The following CLINT1 variants were observed in gnomAD, a reference collection of about 807,000 sequenced individuals.
The protein encoded by CLINT1 is clathrin interactor 1.
A neutral mutation model predicts 70.4 loss-of-function variants in CLINT1; 15 were observed. That is an observed-to-expected ratio of 0.21 (90% CI 0.14 to 0.33). The LOEUF (loss-of-function observed/expected upper bound fraction) is 0.33, where lower values mean the gene tolerates loss of function less well. CLINT1 is among the 10% of genes least tolerant of loss of function. The pLI, the probability that CLINT1 is intolerant of heterozygous loss-of-function variation, is 1.00. For missense variants in CLINT1, 615 were observed against 778.1 expected, an observed-to-expected ratio of 0.79 and a Z score of 2.49; for synonymous variants, 227 against 254.7, an observed-to-expected ratio of 0.89 and a Z score of 1.04.
intron 9 of CLINT1, among the ~76,000 whole-genome samples, chr5:157,793,190 G>T (rs748806631): frequency 1.3e-5 from 2 of 151,270 alleles, no homozygotes; most frequent in Non-Finnish European, 2.9e-5. Context: ...TTACCTCAGG[G>T]TTTTACTAAT....
At chr5:157,825,528 C>G (rs1444532644) in intron 1 of CLINT1, among the ~76,000 whole-genome samples, 1 of 152,106 alleles carries the variant, frequency 6.6e-6, no homozygotes, top group African/African-American at 2.4e-5. Context: ...ACTCAAAGAT[C>G]AAGTTAGTTA....
At position 157,805,927 on chromosome 5, in the gene CLINT1, G is replaced by A. The variant is rs544549394; in HGVS notation, c.881C>T (p.Thr294Ile). ...CTGATCTGGACTTGCTTTGTCCCCT[G>A]TGTAATGTGCTGCTGCTCCAAGATC... ...TIDLGAAAHY[T>I]GDKASPDQNA... The change falls in exon 7 of 12, where the codon ACA (threonine) becomes ATA (isoleucine). Residue 294 changes from threonine (T) to isoleucine (I), a missense_variant. This residue lies in a region of CLINT1 where 241 missense variants were observed against 368.6 expected (regional missense o/e 0.65). Coordinates refer to ENST00000411809, the MANE Select transcript of CLINT1 (RefSeq NM_014666.4). 1.2e-6 allele frequency: 2 copies of A among 1,613,960 alleles called. No individual in the cohort carries two copies. The highest frequency in any genetic ancestry group is 4.5e-5 in the East Asian group (2 of 44,876).
chr5:157,793,081 T>C (rs1683834685), intron 9 of CLINT1, among the ~76,000 whole-genome samples: 3 of 152,192 alleles, frequency 2.0e-5, no homozygotes, highest in Non-Finnish European at 4.4e-5. Flanking sequence ...CATTCTTCTA[T>C]TACCATATTA....
At chr5:157,801,840 T>G (rs1762231836) in intron 8 of CLINT1, among the ~76,000 whole-genome samples, 1 of 152,062 alleles carries the variant, frequency 6.6e-6, no homozygotes, top group African/African-American at 2.4e-5. Flanking sequence ...TTAATTATAC[T>G]AAACTATCAG....
chr5:157,818,722 T>C (rs1006783381), intron 1 of CLINT1, among the ~76,000 whole-genome samples: 4 of 152,132 alleles, frequency 2.6e-5, no homozygotes, highest in African/African-American at 9.7e-5. Context: ...AATATTTTTA[T>C]ATGAAAGAAT....
intron 1 of CLINT1, among the ~76,000 whole-genome samples, chr5:157,856,370 T>C (rs1327520415): frequency 6.6e-6 from 1 of 152,230 alleles, no homozygotes; most frequent in African/African-American, 2.4e-5. Context: ...CCTCAAATCA[T>C]ACATACAGCT....
chr5:157,849,888 T>C (rs1392570886), intron 1 of CLINT1, among the ~76,000 whole-genome samples: 1 of 152,246 alleles, frequency 6.6e-6, no homozygotes, highest in Non-Finnish European at 1.5e-5. Flanking sequence ...CTATGTGTCA[T>C]AATTGTTCTA....
At chr5:157,846,008 G>C (rs1753364570) in intron 1 of CLINT1, among the ~76,000 whole-genome samples, 1 of 152,160 alleles carries the variant, frequency 6.6e-6, no homozygotes, top group South Asian at 2.1e-4. Flanking sequence ...TGTCCTGACT[G>C]CTCCACTGAC....
Position 157,797,738 on chromosome 5 carries a change from T to C in CLINT1, c.1013-2766A>G, listed in dbSNP as rs186090358. On this transcript the variant is annotated intron_variant, in intron 8 of 11. Transcript: ENST00000411809. ...GTCTAGGCTACAAAGAAAATACATG[T>C]TGAGGATAAAAGCTGTAGATCACAA... Among the ~76,000 whole-genome samples, 73 of 152,336 alleles carry C rather than the reference T, an allele frequency of 4.8e-4. 1 individual carries two copies. Among genetic ancestry groups the C allele is most frequent in the African/African-American group, 1.7e-3 (71 of 41,574 alleles).
chr5:157,822,148 C>T (rs1762896951), intron 1 of CLINT1, among the ~76,000 whole-genome samples: 1 of 151,834 alleles, frequency 6.6e-6, no homozygotes, highest in Non-Finnish European at 1.5e-5. Flanking sequence ...TAATTTGAAT[C>T]ATGAGGGCGG....
rs746914389 is a variant in CLINT1 at position 157,805,905 on chromosome 5, A to T, written c.903T>A (p.Asp301Glu). ...AHYTGDKASP[D>E]QNASTHTPQS... Reference sequence around the variant, plus strand: ...GAGGTGTGTGGGTTGAAGCATTCTGATCTGGACTTGCTTTGTCCCCTGTGT... The same window carrying T: ...GAGGTGTGTGGGTTGAAGCATTCTGTTCTGGACTTGCTTTGTCCCCTGTGT... The change falls in exon 7 of 12, where the codon GAT becomes GAA. Residue 301 changes from aspartate to glutamate, a missense_variant. Coordinates refer to ENST00000411809, the MANE Select transcript of CLINT1 (RefSeq NM_014666.4). The T allele has an allele frequency of 1.2e-6, 2 of 1,613,912 alleles. No individual in the cohort carries two copies. Among genetic ancestry groups the T allele is most frequent in the Non-Finnish European group, 1.7e-6 (2 of 1,179,878 alleles).
chr5:157,801,432 G>A (rs938449043), intron 8 of CLINT1, among the ~76,000 whole-genome samples: 7 of 152,014 alleles, frequency 4.6e-5, no homozygotes, highest in South Asian at 2.1e-4. Flanking sequence ...GCTTGAACCC[G>A]GGAGGCAGAG....
At chr5:157,819,251 A>C (rs1459763337) in intron 1 of CLINT1, among the ~76,000 whole-genome samples, 1 of 152,228 alleles carries the variant, frequency 6.6e-6, no homozygotes, top group African/African-American at 2.4e-5. Flanking sequence ...TCTGGCTTTC[A>C]GATTTAAATT....
At chr5:157,858,435 T>C (rs1290747534) in intron 1 of CLINT1, among the ~76,000 whole-genome samples, 1 of 152,174 alleles carries the variant, frequency 6.6e-6, no homozygotes, top group East Asian at 1.9e-4. Context: ...TCATTAGGAA[T>C]TAAGAGGAGG....
chr5:157,846,150 A>G (rs1160301353), intron 1 of CLINT1, among the ~76,000 whole-genome samples: 2 of 152,186 alleles, frequency 1.3e-5, no homozygotes, highest in East Asian at 3.8e-4. Flanking sequence ...CACATCTCCT[A>G]CTTTCAATCA....
intron 1 of CLINT1, 151 bp downstream of exon 1, chr5:157,858,779 C>G: frequency 2.6e-6 from 2 of 779,690 alleles, no homozygotes; most frequent in Non-Finnish European, 4.0e-6. Context: ...GGGGATGAGG[C>G]CCGGGGCCGG....
chr5:157,788,530 G>A (rs927770589), intron 11 of CLINT1, among the ~76,000 whole-genome samples: 22 of 152,042 alleles, frequency 1.4e-4, no homozygotes, highest in African/African-American at 5.3e-4. Context: ...TAATTAGCAA[G>A]GGAAATCATA....
At chr5:157,842,278 C>T (rs1581537660) in intron 1 of CLINT1, among the ~76,000 whole-genome samples, 1 of 152,142 alleles carries the variant, frequency 6.6e-6, no homozygotes, top group East Asian at 1.9e-4. Context: ...GTATGTCAAG[C>T]AGTCTTAAGT....
chr5:157,813,433 G>A (rs952073861), intron 4 of CLINT1, among the ~76,000 whole-genome samples: 2 of 152,108 alleles, frequency 1.3e-5, no homozygotes, highest in African/African-American at 2.4e-5. Context: ...TGGCTTATAA[G>A]AGCATGTAAA....
Sources: gnomAD v4.1 joint callset for allele counts (sites outside exome capture counted in the v4.1 genomes callset) on GRCh38, gnomAD v4.1.1 for gene constraint, gnomAD v4.1.1 regional missense constraint, MANE v1.5 for transcripts, NCBI Gene and HGNC (gene_info 2026-07-23, HGNC 2026-07-21) for gene names.